KANK1: variants seen among roughly 807,000 people sequenced by gnomAD.
KANK1 encodes KN motif and ankyrin repeat domains 1.
KANK1 carries 109 observed loss-of-function variants against 106.2 expected under a neutral mutation model. That is an observed-to-expected ratio of 1.03 (90% CI 0.88 to 1.20). KANK1 has a LOEUF of 1.20. Among genes scored for constraint, KANK1 ranks in the 50% most tolerant of loss-of-function variants. The pLI, the probability that KANK1 is intolerant of heterozygous loss-of-function variation, is 0.00. For missense variants in KANK1, 2,399 were observed against 1,710.7 expected, an observed-to-expected ratio of 1.40 and a Z score of -7.10; for synonymous variants, 873 against 652.2, an observed-to-expected ratio of 1.34 and a Z score of -5.16.
At chr9:736,583 T>C (rs112549793) in intron 7 of KANK1, among the ~76,000 whole-genome samples, 274 of 152,056 alleles carry the variant, frequency 1.8e-3, no homozygotes, top group African/African-American at 5.3e-3. Flanking sequence ...CCCATGGTCC[T>C]AGCTACTTGG....
At chr9:662,363 TGC>T (rs1843526884) in intron 1 of KANK1, among the ~76,000 whole-genome samples, 1 of 152,146 alleles carries the variant, frequency 6.6e-6, no homozygotes, top group African/African-American at 2.4e-5. Context: ...GAGCCCGCAT[TGC>T]CAAGACAGTC....
chr9:744,006 G>A (rs1445373146), intron 10 of KANK1, among the ~76,000 whole-genome samples: 1 of 152,188 alleles, frequency 6.6e-6, no homozygotes, highest in Admixed American at 6.5e-5. Context: ...ATTTCCAGAA[G>A]TTGGATCTGT....
intron 1 of KANK1, among the ~76,000 whole-genome samples, chr9:542,377 C>T (rs2060655676): frequency 6.6e-6 from 1 of 152,148 alleles, no homozygotes; most frequent in African/African-American, 2.4e-5. Context: ...CTCACATCTA[C>T]TAGAATGGAT....
At chr9:556,864 C>A (rs998210758) in intron 1 of KANK1, among the ~76,000 whole-genome samples, 2 of 152,128 alleles carry the variant, frequency 1.3e-5, no homozygotes, top group Non-Finnish European at 2.9e-5. Flanking sequence ...CTGCCTTAGT[C>A]CCAGTATGGT....
chr9:643,316 T>A (rs1838889976), intron 1 of KANK1, among the ~76,000 whole-genome samples: 2 of 150,906 alleles, frequency 1.3e-5, no homozygotes, highest in Admixed American at 1.3e-4. Flanking sequence ...TTACTGTAGT[T>A]ATTGTTTTAA....
intron 3 of KANK1, among the ~76,000 whole-genome samples, chr9:476,072 T>C (rs890743091): frequency 2.0e-5 from 3 of 151,378 alleles, no homozygotes; most frequent in Admixed American, 6.6e-5. Context: ...AAGCTAGTCT[T>C]GAACTCCTGG....
intron 3 of KANK1, among the ~76,000 whole-genome samples, chr9:475,448 T>C (rs1476754648): frequency 6.6e-6 from 1 of 151,254 alleles, no homozygotes; most frequent in Non-Finnish European, 1.5e-5. Context: ...TCGGCCCTCT[T>C]CCAAATATAC....
chr9:691,348 C>T lies in KANK1; in HGVS notation c.37+14339C>T, dbSNP rs543097605. Among the ~76,000 whole-genome samples the T allele has an allele frequency of 2.3e-4, 35 of 151,188 alleles. 1 individual carries two copies. The highest frequency in any genetic ancestry group is 1.8e-3 in the Admixed American group (28 of 15,218). ...GAAACACTACATTCAGTACTTTATT[C>T]GTTTAACTTTTAAGAACAAGTCTTT... On this transcript the variant is annotated intron_variant, in intron 2 of 11. Coordinates refer to ENST00000382297, the MANE Select transcript of KANK1 (RefSeq NM_015158.5).
rs188529289 is a variant in KANK1 at position 568,436 on chromosome 9, A to T, written c.-84+63682A>T. ...GAGGCAGTGGATGTATTTATGTGTA[A>T]GTCTGTGGGGTTTTTTTCCTGTCTC... On this transcript the variant is annotated intron_variant, in intron 1 of 11. Coordinates refer to ENST00000382297, the MANE Select transcript of KANK1 (RefSeq NM_015158.5). 3.3e-5 allele frequency among the ~76,000 whole-genome samples: 5 copies of T among 152,218 alleles called. No individual in the cohort carries two copies. In the East Asian group the frequency reaches 9.7e-4, roughly 29 times the overall value.
At chr9:605,228 G>T (rs1421011464) in intron 1 of KANK1, among the ~76,000 whole-genome samples, 5 of 149,708 alleles carry the variant, frequency 3.3e-5, no homozygotes, top group South Asian at 2.1e-4. Flanking sequence ...TTGAACGTGG[G>T]AGGCAGAGGT....
intron 3 of KANK1, among the ~76,000 whole-genome samples, chr9:499,572 C>A (rs1564126314): frequency 6.6e-6 from 1 of 152,026 alleles, no homozygotes. Context: ...AGAGGGGGCT[C>A]CTGCAAATCT....
intron 3 of KANK1, among the ~76,000 whole-genome samples, chr9:726,900 C>T (rs994110147): frequency 6.6e-5 from 10 of 152,174 alleles, no homozygotes; most frequent in African/African-American, 2.2e-4. Context: ...GCAGAGGTTG[C>T]AGTGAGCCAG....
chr9:562,858 A>G (rs556293013), intron 1 of KANK1, among the ~76,000 whole-genome samples: 20 of 152,304 alleles, frequency 1.3e-4, no homozygotes, highest in African/African-American at 2.9e-4. Context: ...CATAGTTGCA[A>G]TTCACTAAAT....
At chr9:649,509 T>A (rs1840417131) in intron 1 of KANK1, among the ~76,000 whole-genome samples, 1 of 152,194 alleles carries the variant, frequency 6.6e-6, no homozygotes, top group Non-Finnish European at 1.5e-5. Context: ...TCCAGTAATA[T>A]CTTGGAATGC....
chr9:523,445 C>T (rs532305850), intron 1 of KANK1, among the ~76,000 whole-genome samples: 29 of 151,928 alleles, frequency 1.9e-4, no homozygotes, highest in African/African-American at 5.8e-4. Flanking sequence ...GGACTCTCTG[C>T]TTCCCTTGCA....
intron 1 of KANK1, among the ~76,000 whole-genome samples, chr9:633,313 CCG>C (rs1836245929): frequency 6.6e-6 from 1 of 151,958 alleles, no homozygotes; most frequent in Non-Finnish European, 1.5e-5. Context: ...AAAAAATTAG[CCG>C]GGCGTGGTGG....
intron 1 of KANK1, among the ~76,000 whole-genome samples, chr9:619,058 C>T (rs977732171): frequency 2.6e-5 from 4 of 152,180 alleles, no homozygotes; most frequent in African/African-American, 9.6e-5. Flanking sequence ...TCCACAGGAC[C>T]TTTAGGAGAG....
At chr9:697,597 G>T (rs999759093) in intron 2 of KANK1, among the ~76,000 whole-genome samples, 1 of 152,050 alleles carries the variant, frequency 6.6e-6, no homozygotes, top group Non-Finnish European at 1.5e-5. Context: ...ACCTGAATCC[G>T]CCACTGTTCT....
chr9:554,836 A>T (rs532216914), intron 1 of KANK1, among the ~76,000 whole-genome samples: 1 of 152,326 alleles, frequency 6.6e-6, no homozygotes, highest in East Asian at 1.9e-4. Context: ...TACTAGAACG[A>T]TGTGAAAATT....
Sources: allele counts gnomAD v4.1 joint callset (sites outside exome capture counted in the v4.1 genomes callset), GRCh38; gene constraint gnomAD v4.1.1; transcripts MANE v1.5; gene names NCBI Gene and HGNC (gene_info 2026-07-23, HGNC 2026-07-21).